Variants in FAM161A observed in about 807,000 individuals in gnomAD.
FAM161A encodes the protein FAM161 centrosomal protein A.
FAM161A carries 57 observed loss-of-function variants against 70.9 expected under a neutral mutation model. The observed-to-expected ratio is 0.80, with a 90% CI of 0.65 to 1.00. The LOEUF (loss-of-function observed/expected upper bound fraction) is 1.00. Ranked by LOEUF, FAM161A falls within the 50% of genes least tolerant of loss-of-function variation. The probability of loss-of-function intolerance (pLI) is 0.00; values close to 1 mark genes in which losing one functional copy is unlikely to be tolerated. For missense variants in FAM161A, 880 were observed against 836.0 expected, an observed-to-expected ratio of 1.05 and a Z score of -0.65; for synonymous variants, 299 against 295.7, an observed-to-expected ratio of 1.01 and a Z score of -0.12.
At chr2:61,804,816 A>AAGAAAGAAAGAG in the FAM161A span, among the ~76,000 whole-genome samples, 7 of 144,260 alleles carry the variant, frequency 4.9e-5, no homozygotes, top group Non-Finnish European at 3.1e-5. Flanking sequence ...GAAAGAAAGA[A>AAGAAAGAAAGAG]AGAGAAAGAG....
At chr2:61,819,206 C>T in the FAM161A span, among the ~76,000 whole-genome samples, 8 of 152,112 alleles carry the variant, frequency 5.3e-5, no homozygotes, top group African/African-American at 1.7e-4. Context: ...ACTAAATGCA[C>T]CCACCAATTT....
chr2:61,841,364 C>T (rs904915849), intron 2 of FAM161A, among the ~76,000 whole-genome samples: 1 of 152,164 alleles, frequency 6.6e-6, no homozygotes, highest in South Asian at 2.1e-4. Context: ...GATATGATTT[C>T]TCATGCCATC....
intron 5 of FAM161A, among the ~76,000 whole-genome samples, chr2:61,832,651 T>C (rs1197541205): frequency 6.6e-6 from 1 of 152,088 alleles, no homozygotes; most frequent in African/African-American, 2.4e-5. Context: ...GGGCGAGCAT[T>C]ATGGCCTGAG....
chr2:61,812,588 G>C, the FAM161A span, among the ~76,000 whole-genome samples: 2 of 152,104 alleles, frequency 1.3e-5, no homozygotes, highest in African/African-American at 4.8e-5. Flanking sequence ...CGGGCATGGT[G>C]GTGGGTGCCT....
intron 1 of FAM161A, among the ~76,000 whole-genome samples, chr2:61,850,408 T>C (rs1286516328): frequency 1.3e-5 from 2 of 151,518 alleles, no homozygotes; most frequent in East Asian, 3.9e-4. Flanking sequence ...AAAAAATATA[T>C]GTGTGTGTGC....
intron 4 of FAM161A, chr2:61,836,436 G>T (rs1476538113): frequency 4.9e-6 from 1 of 203,404 alleles, no homozygotes; most frequent in Admixed American, 5.4e-5. Flanking sequence ...CTGAAAAGAT[G>T]AATGAAAGTC....
In FAM161A at chr2:61,825,319, C is replaced by A. The variant is rs191936453; in HGVS notation, c.*1136G>T. 8.7e-4 allele frequency: 393 copies of A among 454,110 alleles called. No individual in the cohort carries two copies. The highest frequency in any genetic ancestry group is 1.4e-3 in the Non-Finnish European group (323 of 226,782). The allele number at this position is 454,110 out of a possible 1,614,324, so 28.1% of individuals were successfully genotyped here. ...TGTAAAAAGTTGAACACAACTGGGT[C>A]TAGCAGTGAAGAGTTAAATCTGAAT... is the stretch of plus-strand genomic sequence containing the variant. On this transcript the variant is annotated 3_prime_UTR_variant, in exon 7 of 7. Transcript: ENST00000404929.
chr2:61,838,471 T>G lies in FAM161A; in HGVS notation c.1751+67A>C. The G allele has an allele frequency of 6.9e-6, 9 of 1,313,044 alleles. No homozygotes were observed. The South Asian group carries it at 9.0e-5, about 13-fold the overall frequency. The allele number at this position is 1,313,044 out of a possible 1,614,324, so 81.3% of individuals were successfully genotyped here. On this transcript the variant is annotated intron_variant, in intron 4 of 6. Transcript: ENST00000404929. ...TTTTCAATCTGCTCATATTTTACTA[T>G]CTACTGATTAAAAAAAAAAGAGTTT...
At chr2:61,821,792 C>CA (rs1401121961), downstream of FAM161A, among the ~76,000 whole-genome samples, 2 of 151,666 alleles carry the variant, frequency 1.3e-5, no homozygotes, top group Non-Finnish European at 2.9e-5. Flanking sequence ...TTTTTTTAGA[C>CA]AGAGTCTTGC....
rs770289650 is a variant in FAM161A at position 61,826,348 on chromosome 2, C to T, written c.*107G>A. 8.1e-7 allele frequency: 1 copy of T among 1,239,012 alleles called. No individual in the cohort carries two copies. The highest frequency in any genetic ancestry group is 1.3e-5 in the South Asian group (1 of 77,998). The allele number at this position is 1,239,012 out of a possible 1,614,324, so 76.8% of individuals were successfully genotyped here. ...CTACAGATGACTTTGATCAACAGCC[C>T]TGCACATATCAGAAGCGTCCCCACA... On this transcript the variant is annotated 3_prime_UTR_variant, in exon 7 of 7. Transcript: ENST00000404929.
At chr2:61,805,713 A>G in the FAM161A span, among the ~76,000 whole-genome samples, 9 of 152,274 alleles carry the variant, frequency 5.9e-5, no homozygotes, top group South Asian at 1.2e-3. Context: ...TACCAGGCAC[A>G]GGTCCCTGCC....
intron 1 of FAM161A, among the ~76,000 whole-genome samples, chr2:61,845,368 T>G (rs185446380): frequency 6.6e-6 from 1 of 152,312 alleles, no homozygotes; most frequent in Admixed American, 6.5e-5. Flanking sequence ...TATTTAACTC[T>G]CACCCAATGC....
At chr2:61,801,629 C>T in the FAM161A span, among the ~76,000 whole-genome samples, 1 of 150,802 alleles carries the variant, frequency 6.6e-6, no homozygotes, top group African/African-American at 2.4e-5. Context: ...TGCAATCGCA[C>T]GATCTCGGCT....
At chr2:61,804,820 G>GAAAGAAAGAAAGAAAGAA in the FAM161A span, among the ~76,000 whole-genome samples, 2 of 96,834 alleles carry the variant, frequency 2.1e-5, no homozygotes, top group African/African-American at 7.3e-5. Context: ...GAAAGAAAGA[G>GAAAGAAAGAAAGAAAGAA]AAAGAGAAAG....
intron 5 of FAM161A, among the ~76,000 whole-genome samples, chr2:61,828,586 C>T (rs1427514069): frequency 6.6e-6 from 1 of 152,148 alleles, no homozygotes; most frequent in East Asian, 1.9e-4. Flanking sequence ...CCTTGGCCTC[C>T]CAAAGTGCTG....
intron 3 of FAM161A, among the ~76,000 whole-genome samples, 170 bp from the exon 4 acceptor site, chr2:61,838,875 TATTTATTTATTTATTTA>T (rs1214290994): frequency 7.7e-5 from 11 of 142,584 alleles, no homozygotes; most frequent in African/African-American, 3.1e-4. Context: ...TTTATTTATT[TATTTATTTATTTATTTA>T]TTTTTTTTGA....
At chr2:61,801,260 G>T in the FAM161A span, among the ~76,000 whole-genome samples, 35 of 152,010 alleles carry the variant, frequency 2.3e-4, no homozygotes, top group Non-Finnish European at 1.2e-4. Context: ...CACTTTGGGA[G>T]GCTGAGGCGG....
intron 5 of FAM161A, 65 bp downstream of exon 5, chr2:61,835,945 G>C (rs1412598418): frequency 4.0e-6 from 4 of 1,001,204 alleles, no homozygotes; most frequent in Non-Finnish European, 4.5e-6. Flanking sequence ...TGTAAATTTA[G>C]GAGCTAAAGC....
the FAM161A span, among the ~76,000 whole-genome samples, chr2:61,813,967 T>C: frequency 5.3e-5 from 8 of 152,134 alleles, no homozygotes; most frequent in African/African-American, 1.9e-4. Flanking sequence ...TGAGGAGTTC[T>C]GAGCTAGCAG....
Sources: gnomAD v4.1 joint callset for allele counts (sites outside exome capture counted in the v4.1 genomes callset) on GRCh38, gnomAD v4.1.1 for gene constraint, MANE v1.5 for transcripts, NCBI Gene and HGNC (gene_info 2026-07-23, HGNC 2026-07-21) for gene names.